Variants in AGBL1 observed in about 807,000 individuals in gnomAD.
AGBL1 encodes the protein AGBL carboxypeptidase 1, also known as cytosolic carboxypeptidase 4.
AGBL1 carries 130 observed loss-of-function variants against 118.9 expected under a neutral mutation model. The ratio of observed to expected loss-of-function variants is 1.09; its 90% CI spans 0.95 to 1.26. AGBL1 has a LOEUF of 1.26. Among genes scored for constraint, AGBL1 ranks in the 50% most tolerant of loss-of-function variants. The probability of loss-of-function intolerance (pLI) is 0.00; values close to 1 mark genes in which losing one functional copy is unlikely to be tolerated. For missense variants in AGBL1, 1,584 were observed against 1,298.1 expected (o/e 1.22, Z -3.38); for synonymous variants, 555 against 478.9 (o/e 1.16, Z -2.08).
chr15:86,900,696 C>T (rs1456151263), intron 22 of AGBL1, among the ~76,000 whole-genome samples: 2 of 151,062 alleles, frequency 1.3e-5, no homozygotes, highest in Non-Finnish European at 2.9e-5. Flanking sequence ...ATAAACAATG[C>T]TAGAATGAAC....
rs555817053 is a variant in AGBL1, at chr15:86,136,511, G to A, written c.52-5493G>A. 7.9e-5 allele frequency among the ~76,000 whole-genome samples: 12 copies of A among 152,280 alleles called. No individual in the cohort carries two copies. The East Asian group carries it at 2.3e-3, about 29-fold the overall frequency. On this transcript the variant is annotated intron_variant, in intron 1 of 22. Coordinates refer to ENST00000614907, the MANE Select transcript of AGBL1 (RefSeq NM_001386094.1). Reference sequence around the variant, plus strand: ...GGCAATTGTGGGTAATGGGGGCTGGGAAGGCAGGTTAGCTGGGAAAACCAT... The same window carrying A: ...GGCAATTGTGGGTAATGGGGGCTGGAAAGGCAGGTTAGCTGGGAAAACCAT...
chr15:86,488,197 G>T (rs565352618), intron 18 of AGBL1, among the ~76,000 whole-genome samples: 1 of 152,110 alleles, frequency 6.6e-6, no homozygotes, highest in African/African-American at 2.4e-5. Context: ...ATGATAAAAT[G>T]GCTAGACGTA....
chr15:86,206,496 G>A (rs1174112065), intron 5 of AGBL1, among the ~76,000 whole-genome samples: 1 of 152,116 alleles, frequency 6.6e-6, no homozygotes, highest in African/African-American at 2.4e-5. Context: ...ACTTTTTAAT[G>A]ATCACCATTC....
At chr15:86,691,436 T>C (rs1373376686) in intron 22 of AGBL1, among the ~76,000 whole-genome samples, 1 of 152,130 alleles carries the variant, frequency 6.6e-6, no homozygotes, top group African/African-American at 2.4e-5. Context: ...TAAAATAAAA[T>C]GATACTTTGT....
chr15:86,515,547 C>G (rs1408588333), intron 18 of AGBL1, among the ~76,000 whole-genome samples: 2 of 152,026 alleles, frequency 1.3e-5, no homozygotes, highest in Non-Finnish European at 1.5e-5. Flanking sequence ...ATTTCCTATT[C>G]TAACAATTTT....
At chr15:86,128,815 C>A (rs979963119) in intron 1 of AGBL1, among the ~76,000 whole-genome samples, 1 of 152,138 alleles carries the variant, frequency 6.6e-6, no homozygotes. Context: ...AGCTATTAAT[C>A]TTACCATACC....
At chr15:86,749,293 A>G (rs1281052467) in intron 22 of AGBL1, among the ~76,000 whole-genome samples, 1 of 152,152 alleles carries the variant, frequency 6.6e-6, no homozygotes, top group African/African-American at 2.4e-5. Context: ...GAGGTCACTC[A>G]TGATTTTGCT....
chr15:86,495,642 C>A (rs980210495), intron 18 of AGBL1, among the ~76,000 whole-genome samples: 2 of 151,878 alleles, frequency 1.3e-5, no homozygotes, highest in African/African-American at 4.8e-5. Context: ...ATTTCTAATT[C>A]AATTCCATTT....
At chr15:86,327,722 A>G (rs549788012) in intron 17 of AGBL1, among the ~76,000 whole-genome samples, 36 of 152,378 alleles carry the variant, frequency 2.4e-4, no homozygotes, top group African/African-American at 8.7e-4. Flanking sequence ...CCAAAGAGAC[A>G]GGTATAAAAC....
chr15:86,432,267 T>C (rs2081943608), intron 18 of AGBL1, among the ~76,000 whole-genome samples: 1 of 152,176 alleles, frequency 6.6e-6, no homozygotes, highest in Admixed American at 6.5e-5. Context: ...TTACCTAGGG[T>C]ATTTTTTGTT....
chr15:86,808,891 T>C (rs139832930), intron 22 of AGBL1, among the ~76,000 whole-genome samples: 1,619 of 151,876 alleles, frequency 0.011, 23 homozygotes, highest in Middle Eastern at 0.061. Flanking sequence ...GGATTTTCTC[T>C]TTTTTTCTGA....
chr15:86,188,518 A>G (rs1231270020), intron 5 of AGBL1, among the ~76,000 whole-genome samples: 1 of 152,228 alleles, frequency 6.6e-6, no homozygotes, highest in Admixed American at 6.5e-5. Context: ...TATTCAGGCT[A>G]TAAACTTTCT....
chr15:86,767,939 G>A (rs970107425), intron 22 of AGBL1, among the ~76,000 whole-genome samples: 6 of 151,884 alleles, frequency 4.0e-5, no homozygotes, highest in Non-Finnish European at 8.8e-5. Context: ...TATTTTCCTT[G>A]ATTAAACCAT....
chr15:86,177,014 A>C (rs982370866), intron 5 of AGBL1, among the ~76,000 whole-genome samples: 14 of 152,172 alleles, frequency 9.2e-5, no homozygotes, highest in African/African-American at 3.4e-4. Context: ...GGGTGCCTCC[A>C]GGTAGCCATC....
At chr15:87,023,775 A>G (rs8043028) in intron 24 of AGBL1, among the ~76,000 whole-genome samples, 1 of 152,078 alleles carries the variant, frequency 6.6e-6, no homozygotes, top group Non-Finnish European at 1.5e-5. Context: ...TTGAAATTAT[A>G]TCAAGCACTC....
At chr15:86,681,872 A>G (rs2085964282) in intron 22 of AGBL1, among the ~76,000 whole-genome samples, 1 of 152,196 alleles carries the variant, frequency 6.6e-6, no homozygotes, top group Admixed American at 6.6e-5. Flanking sequence ...GAAGATGGAA[A>G]GTGCCCTACT....
At position 86,266,458 on chromosome 15, in the gene AGBL1, G is replaced by T; in HGVS notation, c.1751+1G>T. ...TTGTCTTCAGTTTAGATGAGCCTTGGTAGGTAGTCTCGTGCATCTGAGGAA... is the reference window on the plus strand; with the variant it reads ...TTGTCTTCAGTTTAGATGAGCCTTGTTAGGTAGTCTCGTGCATCTGAGGAA... On this transcript the variant is annotated splice_donor_variant, in intron 12 of 22. Transcript: ENST00000614907. LOFTEE classifies it high-confidence loss of function. 6.4e-7 allele frequency: 1 copy of T among 1,560,294 alleles called. No homozygotes were observed.
At chr15:86,263,513 G>C (rs1295635168) in intron 10 of AGBL1, among the ~76,000 whole-genome samples, 1 of 152,222 alleles carries the variant, frequency 6.6e-6, no homozygotes, top group East Asian at 1.9e-4. Flanking sequence ...GGTGGGCAGG[G>C]TGCCCTGCCC....
intron 22 of AGBL1, among the ~76,000 whole-genome samples, chr15:86,707,260 T>C (rs921361846): frequency 1.3e-5 from 2 of 152,136 alleles, no homozygotes; most frequent in African/African-American, 4.8e-5. Context: ...ACTCCACCAA[T>C]GAATCCAAAA....
Sources: gnomAD v4.1 joint callset for allele counts (sites outside exome capture counted in the v4.1 genomes callset) on GRCh38, gnomAD v4.1.1 for gene constraint, MANE v1.5 for transcripts, NCBI Gene and HGNC (gene_info 2026-07-23, HGNC 2026-07-21) for gene names.